Variants in SCOC observed in about 807,000 individuals in gnomAD.
SCOC encodes short coiled-coil protein, also known as short coiled coil protein.
A neutral mutation model predicts 9.9 loss-of-function variants in SCOC; 7 were observed. The ratio of observed to expected loss-of-function variants is 0.71; its 90% CI spans 0.40 to 1.33. SCOC has a LOEUF of 1.33. SCOC is among the 40% of genes most tolerant of loss of function. The pLI, the probability that SCOC is intolerant of heterozygous loss-of-function variation, is 0.01. For synonymous variants in SCOC, 19 were observed against 28.2 expected, an observed-to-expected ratio of 0.67 and a Z score of 1.03; for missense variants, 66 against 89.7, an observed-to-expected ratio of 0.74 and a Z score of 1.07.
At chr4:140,270,541 G>T (rs1730820597) in intron 1 of SCOC, among the ~76,000 whole-genome samples, 1 of 152,028 alleles carries the variant, frequency 6.6e-6, no homozygotes, top group Non-Finnish European at 1.5e-5. Context: ...TCACTATGTT[G>T]TCCAGGCTGG....
At chr4:140,345,766 G>A (rs762223456) in intron 2 of SCOC, among the ~76,000 whole-genome samples, 9 of 151,942 alleles carry the variant, frequency 5.9e-5, no homozygotes, top group Non-Finnish European at 7.4e-5. Flanking sequence ...TATATGTAAG[G>A]GAGGCCCAGA....
chr4:140,258,714 A>G (rs1472633641), intron 1 of SCOC, among the ~76,000 whole-genome samples: 2 of 152,184 alleles, frequency 1.3e-5, no homozygotes, highest in African/African-American at 4.8e-5. Flanking sequence ...TCTCTTTCTG[A>G]GTTGTTGAGT....
chr4:140,354,509 C>CTTTT (rs397878492), intron 2 of SCOC, among the ~76,000 whole-genome samples: 5 of 103,686 alleles, frequency 4.8e-5, no homozygotes, highest in Non-Finnish European at 7.7e-5. Context: ...TCTCAAAGAA[C>CTTTT]TTTTTTTTTT....
intron 1 of SCOC, among the ~76,000 whole-genome samples, chr4:140,263,867 G>T (rs561720317): frequency 2.6e-5 from 4 of 152,270 alleles, no homozygotes; most frequent in Admixed American, 2.0e-4. Flanking sequence ...AAGAGAAACA[G>T]GACAGAATAA....
At chr4:140,328,487 C>T (rs189465199) in intron 1 of SCOC, among the ~76,000 whole-genome samples, 8 of 152,280 alleles carry the variant, frequency 5.3e-5, no homozygotes, top group Admixed American at 4.6e-4. Flanking sequence ...CACCTCAATG[C>T]ATTTAACAAA....
chr4:140,359,095 G>C (rs1195664573), intron 2 of SCOC, among the ~76,000 whole-genome samples: 2 of 149,274 alleles, frequency 1.3e-5, no homozygotes, highest in African/African-American at 4.9e-5. Context: ...ACAAGTTTGT[G>C]TTGTAGAGCG....
chr4:140,302,778 G>A (rs563808787), intron 1 of SCOC, among the ~76,000 whole-genome samples: 2 of 152,272 alleles, frequency 1.3e-5, no homozygotes, highest in Admixed American at 6.5e-5. Context: ...TCCTATCCAC[G>A]TATAGTGTTG....
upstream of SCOC, among the ~76,000 whole-genome samples, chr4:140,371,557 C>A (rs1728056577): frequency 6.6e-6 from 1 of 152,182 alleles, no homozygotes; most frequent in Admixed American, 6.5e-5. Context: ...TTTACACTCC[C>A]AACAGTAATG....
intron 2 of SCOC, among the ~76,000 whole-genome samples, chr4:140,355,417 C>A (rs1249173338): frequency 3.3e-5 from 5 of 151,838 alleles, no homozygotes; most frequent in Non-Finnish European, 5.9e-5. Context: ...TTGATATTAT[C>A]CCTGTTTTTC....
chr4:140,365,172 CAAA>C (rs3034544), intron 2 of SCOC, among the ~76,000 whole-genome samples: 3 of 141,574 alleles, frequency 2.1e-5, no homozygotes, highest in Non-Finnish European at 3.0e-5. Flanking sequence ...ATGGATATGG[CAAA>C]AAAAAAAAAA....
At chr4:140,365,182 A>AC (rs1316525977) in intron 2 of SCOC, among the ~76,000 whole-genome samples, 1 of 151,830 alleles carries the variant, frequency 6.6e-6, no homozygotes, top group East Asian at 1.9e-4. Flanking sequence ...CAAAAAAAAA[A>AC]AAAAAGTGAA....
upstream of SCOC, among the ~76,000 whole-genome samples, chr4:140,342,780 T>C (rs1578830317): frequency 1.3e-5 from 2 of 152,132 alleles, no homozygotes; most frequent in African/African-American, 2.4e-5. Flanking sequence ...CCTGGATAAA[T>C]AGTTGTAAAG....
At chr4:140,362,055 C>T (rs550081480) in intron 2 of SCOC, among the ~76,000 whole-genome samples, 1 of 138,762 alleles carries the variant, frequency 7.2e-6, no homozygotes, top group East Asian at 2.3e-4. Flanking sequence ...GAGAGTGATT[C>T]TGAGCACGAC....
intron 1 of SCOC, among the ~76,000 whole-genome samples, chr4:140,274,687 C>T (rs1730936576): frequency 6.6e-6 from 1 of 152,194 alleles, no homozygotes; most frequent in African/African-American, 2.4e-5. Flanking sequence ...TCAGAATCTT[C>T]TCTAATTCAT....
At chr4:140,276,918 G>A (rs541635418) in intron 1 of SCOC, among the ~76,000 whole-genome samples, 1 of 152,258 alleles carries the variant, frequency 6.6e-6, no homozygotes, top group South Asian at 2.1e-4. Context: ...GAAGTCTCAT[G>A]CACATACCAA....
At chr4:140,324,387 T>C (rs1233824050) in intron 1 of SCOC, among the ~76,000 whole-genome samples, 1 of 152,122 alleles carries the variant, frequency 6.6e-6, no homozygotes, top group African/African-American at 2.4e-5. Flanking sequence ...ATAAATAGCA[T>C]ACAGCTTTGA....
At chr4:140,261,352 G>T (rs1299418158) in intron 1 of SCOC, among the ~76,000 whole-genome samples, 1 of 152,210 alleles carries the variant, frequency 6.6e-6, no homozygotes, top group Non-Finnish European at 1.5e-5. Flanking sequence ...CTCTCCAAGA[G>T]CAGTGAGCAT....
intron 2 of SCOC, among the ~76,000 whole-genome samples, chr4:140,349,108 T>C (rs1053306070): frequency 1.3e-5 from 2 of 152,210 alleles, no homozygotes; most frequent in African/African-American, 4.8e-5. Flanking sequence ...AACAACATAG[T>C]TTACTTTCCT....
Position 140,379,701 on chromosome 4 carries a change from C to T in SCOC, c.106+49C>T, listed in dbSNP as rs750119834. ...TTTGAATGACAGCCAATTAATTGAA[C>T]TTGTAAAAATTTATATTGCTAAATT... On this transcript the variant is annotated intron_variant, in intron 3 of 3. Transcript: ENST00000608372. The T allele has an allele frequency of 3.4e-5, 47 of 1,385,790 alleles. 1 individual carries two copies. Among genetic ancestry groups the T allele is most frequent in the Middle Eastern group, 2.2e-4 (1 of 4,516 alleles). The allele number at this position is 1,385,790 out of a possible 1,614,324, so 85.8% of individuals were successfully genotyped here. A position where few individuals can be genotyped will look rare whatever the true frequency, so the allele number is the denominator to read the frequency against.
Sources: gnomAD v4.1 joint callset for allele counts (sites outside exome capture counted in the v4.1 genomes callset) on GRCh38, gnomAD v4.1.1 for gene constraint, MANE v1.5 for transcripts, NCBI Gene and HGNC (gene_info 2026-07-23, HGNC 2026-07-21) for gene names.